ANKRD31: variants seen among roughly 807,000 people sequenced by gnomAD.
ANKRD31 encodes ankyrin repeat domain-containing protein 31.
ANKRD31 carries 147 observed loss-of-function variants against 186.0 expected under a neutral mutation model. That is an observed-to-expected ratio of 0.79 (90% CI 0.69 to 0.91). The LOEUF is 0.91. Ranked by LOEUF, ANKRD31 falls within the 40% of genes least tolerant of loss-of-function variation. The probability of loss-of-function intolerance (pLI) is 0.00; values close to 1 mark genes in which losing one functional copy is unlikely to be tolerated. For synonymous variants in ANKRD31, 673 were observed against 736.4 expected, an observed-to-expected ratio of 0.91 and a Z score of 1.39; for missense variants, 1,986 against 2,148.8, an observed-to-expected ratio of 0.92 and a Z score of 1.50.
chr5:75,175,452 G>A (rs1478213676), intron 10 of ANKRD31, among the ~76,000 whole-genome samples: 14 of 152,016 alleles, frequency 9.2e-5, no homozygotes, highest in African/African-American at 2.7e-4. Flanking sequence ...ATGTTTAATC[G>A]TGAAATATGC....
intron 16 of ANKRD31, among the ~76,000 whole-genome samples, chr5:75,138,364 G>A (rs1750761143): frequency 1.3e-5 from 2 of 152,110 alleles, no homozygotes; most frequent in Admixed American, 1.3e-4. Flanking sequence ...ATGACACCTG[G>A]TTTAATTAAC....
At position 75,080,657 on chromosome 5, in the gene ANKRD31, C is replaced by T. The variant is rs372149308; in HGVS notation, c.5576-18G>A. 1.6e-3 allele frequency: 2,411 copies of T among 1,514,868 alleles called. 3 individuals carry two copies. The highest frequency in any genetic ancestry group is 2.2e-3 in the Middle Eastern group (13 of 5,902). The allele number at this position is 1,514,868 out of a possible 1,614,324, so 93.8% of individuals were successfully genotyped here. A position where few individuals can be genotyped will look rare whatever the true frequency, so the allele number is the denominator to read the frequency against. Reference sequence around the variant, plus strand: ...AGCAACTTCTGAAAGTGAAACAAAACGTTAGTAATAATTTTGCTGAATTAG... The same window carrying T: ...AGCAACTTCTGAAAGTGAAACAAAATGTTAGTAATAATTTTGCTGAATTAG... On this transcript the variant is annotated intron_variant, in intron 24 of 25. Coordinates refer to ENST00000506364, the MANE Select transcript of ANKRD31 (RefSeq NM_001372053.1).
At chr5:75,185,065 T>C (rs971938494) in intron 10 of ANKRD31, among the ~76,000 whole-genome samples, 2 of 152,124 alleles carry the variant, frequency 1.3e-5, no homozygotes, top group Non-Finnish European at 1.5e-5. Context: ...TGCAACAACA[T>C]GGAAGAACCT....
chr5:75,100,673 C>G (rs6860699), intron 22 of ANKRD31, among the ~76,000 whole-genome samples: 2 of 151,878 alleles, frequency 1.3e-5, no homozygotes, highest in African/African-American at 2.4e-5. Flanking sequence ...TTTACCATTA[C>G]GTAATGGCCT....
intron 3 of ANKRD31, among the ~76,000 whole-genome samples, chr5:75,213,405 T>C (rs998350996): frequency 4.6e-5 from 7 of 151,978 alleles, no homozygotes; most frequent in Non-Finnish European, 4.4e-5. Context: ...CCTCCAAAAG[T>C]GCAAAAGGTA....
chr5:75,172,813 G>C (rs1222261138), intron 10 of ANKRD31, among the ~76,000 whole-genome samples: 2 of 152,152 alleles, frequency 1.3e-5, no homozygotes, highest in African/African-American at 4.8e-5. Flanking sequence ...GAGGTACAAA[G>C]AGGAGCTGGT....
At position 75,116,015 on chromosome 5, in the gene ANKRD31, T is replaced by C. The variant is rs1273413108; in HGVS notation, c.4155+551A>G. Among the ~76,000 whole-genome samples the C allele has an allele frequency of 3.3e-5, 5 of 151,328 alleles. No homozygotes were observed. In the East Asian group the frequency reaches 9.7e-4, roughly 29 times the overall value. On this transcript the variant is annotated intron_variant, in intron 19 of 25. Coordinates refer to ENST00000506364, the MANE Select transcript of ANKRD31 (RefSeq NM_001372053.1). ...CAAAGACTTGGAACCAACCCAAATG[T>C]CCAACAATGATAGACTGGATTAAGA...
chr5:75,228,243 A>G (rs575708300), intron 2 of ANKRD31, among the ~76,000 whole-genome samples: 1 of 152,348 alleles, frequency 6.6e-6, no homozygotes, highest in African/African-American at 2.4e-5. Context: ...TTACCTTTAT[A>G]ATTCAGTAAG....
chr5:75,230,623 A>T lies in ANKRD31; in HGVS notation c.117T>A (p.Asp39Glu). The T allele has an allele frequency of 6.5e-7, 1 of 1,535,698 alleles. No individual in the cohort carries two copies. Among genetic ancestry groups the T allele is most frequent in the South Asian group, 1.2e-5 (1 of 83,984 alleles). The part of the protein sequence containing the change: ...KELPWRRLLF[D>E]QDASLKSEFS... Reference sequence around the variant, plus strand: ...ACTCAGATTTAAGAGATGCGTCTTGATCAAACAGCAACCTTTCAAATACCA... The same window carrying T: ...ACTCAGATTTAAGAGATGCGTCTTGTTCAAACAGCAACCTTTCAAATACCA... Residue 39 changes from aspartate to glutamate, a missense_variant, in exon 2 of 26, where the codon GAT becomes GAA. By Grantham distance (45) the Asp-to-Glu change is conservative. Coordinates refer to ENST00000506364, the MANE Select transcript of ANKRD31 (RefSeq NM_001372053.1).
At chr5:75,093,296 C>T (rs1289409527) in intron 22 of ANKRD31, among the ~76,000 whole-genome samples, 2 of 152,068 alleles carry the variant, frequency 1.3e-5, no homozygotes, top group African/African-American at 4.8e-5. Flanking sequence ...GCCTGGCCAA[C>T]GTGGTGAAAC....
chr5:75,178,525 A>T (rs539016807), intron 10 of ANKRD31, among the ~76,000 whole-genome samples: 17 of 152,324 alleles, frequency 1.1e-4, no homozygotes, highest in Admixed American at 9.8e-4. Flanking sequence ...GGAAATTATA[A>T]CAAACTGTCT....
intron 10 of ANKRD31, among the ~76,000 whole-genome samples, chr5:75,185,773 A>C (rs1028183672): frequency 7.2e-5 from 11 of 152,112 alleles, no homozygotes; most frequent in Admixed American, 5.2e-4. Context: ...AAAAAAACAC[A>C]TTGTTCCCCA....
chr5:75,129,774 C>A (rs1749588492), intron 17 of ANKRD31, among the ~76,000 whole-genome samples: 2 of 152,192 alleles, frequency 1.3e-5, no homozygotes, highest in South Asian at 4.1e-4. Context: ...GTTCATCTCA[C>A]TGGGGCTTGT....
chr5:75,174,729 A>G (rs1753637408), intron 10 of ANKRD31, among the ~76,000 whole-genome samples: 1 of 152,236 alleles, frequency 6.6e-6, no homozygotes, highest in South Asian at 2.1e-4. Flanking sequence ...TCAGGAAACA[A>G]CAGATGCTGG....
intron 11 of ANKRD31, among the ~76,000 whole-genome samples, chr5:75,167,193 T>C (rs1218250866): frequency 6.6e-6 from 1 of 152,144 alleles, no homozygotes; most frequent in African/African-American, 2.4e-5. Context: ...TTTTACTGCT[T>C]TTTCACTTTT....
In ANKRD31 at chr5:75,105,069, C is replaced by T. The variant is rs1747220134; in HGVS notation, c.4490G>A (p.Cys1497Tyr). ...QNCRNVTSLP[C>Y]LSLRKLPPRS... is the part of the protein sequence containing the mutation. ...GGGTGGGAGCTTCCTTAAACTAAGA[C>T]AAGGCAATGATGTAACATTCCTACA... is the stretch of plus-strand genomic sequence containing the variant. Residue 1497 changes from cysteine (C) to tyrosine (Y), a missense_variant, in exon 22 of 26, where the codon TGT becomes TAT. By Grantham distance (194) the Cys-to-Tyr change is radical (BLOSUM62 -2). Coordinates refer to ENST00000506364, the MANE Select transcript of ANKRD31 (RefSeq NM_001372053.1). 1 of 1,536,978 alleles carries T rather than the reference C, an allele frequency of 6.5e-7. No homozygotes were observed. The highest frequency in any genetic ancestry group is 8.7e-7 in the Non-Finnish European group (1 of 1,146,836).
At chr5:75,140,467 C>T (rs1750975574) in intron 15 of ANKRD31, among the ~76,000 whole-genome samples, 1 of 152,084 alleles carries the variant, frequency 6.6e-6, no homozygotes, top group Admixed American at 6.5e-5. Flanking sequence ...GTTAGAAATG[C>T]AAATTCCCCA....
intron 2 of ANKRD31, among the ~76,000 whole-genome samples, chr5:75,227,080 C>T (rs920612195): frequency 6.6e-6 from 1 of 152,026 alleles, no homozygotes; most frequent in Non-Finnish European, 1.5e-5. Flanking sequence ...GATATATATA[C>T]ACAGTGGAGT....
intron 10 of ANKRD31, among the ~76,000 whole-genome samples, chr5:75,173,948 T>C (rs1456233440): frequency 6.6e-6 from 1 of 152,084 alleles, no homozygotes; most frequent in African/African-American, 2.4e-5. Context: ...AAAACAAAGC[T>C]GGAGGCATCA....
Sources: gnomAD v4.1 joint callset for allele counts (sites outside exome capture counted in the v4.1 genomes callset) on GRCh38, gnomAD v4.1.1 for gene constraint, MANE v1.5 for transcripts, NCBI Gene and HGNC (gene_info 2026-07-23, HGNC 2026-07-21) for gene names.